MDGA2: variants seen among roughly 807,000 people sequenced by gnomAD.
MDGA2 encodes the protein MAM domain-containing glycosylphosphatidylinositol anchor protein 2.
A neutral mutation model predicts 117.8 loss-of-function variants in MDGA2; 40 were observed. The ratio of observed to expected loss-of-function variants is 0.34; its 90% confidence interval spans 0.26 to 0.44. MDGA2 has a LOEUF of 0.44. Ranked by LOEUF, MDGA2 falls within the 20% of genes least tolerant of loss-of-function variation. The pLI is 1.00. For synonymous variants in MDGA2, 452 were observed against 439.0 expected (o/e 1.03, Z -0.37); for missense variants, 1,123 against 1,250.6 (o/e 0.90, Z 1.54).
chr14:47,487,724 A>G (rs1894089583), intron 1 of MDGA2, among the ~76,000 whole-genome samples: 1 of 152,192 alleles, frequency 6.6e-6, no homozygotes, highest in African/African-American at 2.4e-5. Flanking sequence ...AAGCAGTAGC[A>G]TACATAGATA....
At chr14:47,255,372 C>G (rs970142442) in intron 2 of MDGA2, among the ~76,000 whole-genome samples, 1 of 152,094 alleles carries the variant, frequency 6.6e-6, no homozygotes, top group Non-Finnish European at 1.5e-5. Flanking sequence ...GACTGTGTGC[C>G]TTACAGGTAG....
chr14:46,901,037 C>T (rs1883264071), intron 10 of MDGA2, among the ~76,000 whole-genome samples: 1 of 151,882 alleles, frequency 6.6e-6, no homozygotes, highest in Non-Finnish European at 1.5e-5. Context: ...AAAAACACTG[C>T]TTATTGAAAA....
At chr14:46,875,612 A>G (rs1260269894) in intron 12 of MDGA2, among the ~76,000 whole-genome samples, 2 of 151,702 alleles carry the variant, frequency 1.3e-5, no homozygotes, top group African/African-American at 4.8e-5. Context: ...TATCAGTTGG[A>G]AAAATAATGT....
At chr14:46,941,616 C>G (rs566871870) in intron 9 of MDGA2, among the ~76,000 whole-genome samples, 1 of 152,122 alleles carries the variant, frequency 6.6e-6, no homozygotes, top group Non-Finnish European at 1.5e-5. Flanking sequence ...GATTCCTTCA[C>G]AGATTGGTTT....
At chr14:46,859,789 T>C (rs1259738573) in intron 14 of MDGA2, among the ~76,000 whole-genome samples, 1 of 152,124 alleles carries the variant, frequency 6.6e-6, no homozygotes, top group Non-Finnish European at 1.5e-5. Context: ...ATGATATAAA[T>C]TAGTAATATG....
intron 14 of MDGA2, chr14:46,871,358 A>G (rs1881989615): frequency 1.3e-5 from 2 of 152,040 alleles, no homozygotes; most frequent in South Asian, 4.1e-4. Context: ...GTTCCTGCAC[A>G]GTAATAAAAC....
chr14:47,379,573 T>C (rs1284627746), intron 1 of MDGA2, among the ~76,000 whole-genome samples: 1 of 152,120 alleles, frequency 6.6e-6, no homozygotes, highest in Non-Finnish European at 1.5e-5. Context: ...GTTACAATCC[T>C]AGTCTCGGAT....
chr14:47,282,884 G>A (rs1266101756), intron 2 of MDGA2, among the ~76,000 whole-genome samples: 3 of 152,038 alleles, frequency 2.0e-5, no homozygotes, highest in African/African-American at 7.2e-5. Flanking sequence ...AGGAGTTGAG[G>A]CTGCAATGAG....
intron 5 of MDGA2, among the ~76,000 whole-genome samples, chr14:47,107,327 A>ATG (rs1880760787): frequency 1.3e-5 from 2 of 152,070 alleles, no homozygotes; most frequent in African/African-American, 2.4e-5. Context: ...CAGGATCTGC[A>ATG]CCTTATCAAC....
At position 47,220,477 on chromosome 14, in the gene MDGA2, G is replaced by A. The variant is rs552473766; in HGVS notation, c.421-2282C>T. 2.0e-5 allele frequency among the ~76,000 whole-genome samples: 3 copies of A among 152,176 alleles called. No homozygotes were observed. In the South Asian group the frequency reaches 6.2e-4, roughly 32 times the overall value. On this transcript the variant is annotated intron_variant, in intron 2 of 16. Transcript: ENST00000399232. Reference sequence around the variant, plus strand: ...GTTTCAAGCAGAAATGTCCTTACAGGGAAGCAGCACTTCATGTTTTGCACA... The same window carrying A: ...GTTTCAAGCAGAAATGTCCTTACAGAGAAGCAGCACTTCATGTTTTGCACA...
chr14:47,457,397 C>G (rs1893377874), intron 1 of MDGA2, among the ~76,000 whole-genome samples: 1 of 152,134 alleles, frequency 6.6e-6, no homozygotes, highest in South Asian at 2.1e-4. Context: ...TACACTAGTA[C>G]AAACTCATTA....
At chr14:47,387,041 T>TGATCA (rs1566764593) in intron 1 of MDGA2, among the ~76,000 whole-genome samples, 2 of 152,126 alleles carry the variant, frequency 1.3e-5, no homozygotes, top group African/African-American at 4.8e-5. Context: ...AAAGCAAATA[T>TGATCA]GATCAGACTG....
At chr14:47,180,754 C>G (rs1482615866) in intron 3 of MDGA2, among the ~76,000 whole-genome samples, 1 of 152,062 alleles carries the variant, frequency 6.6e-6, no homozygotes, top group Non-Finnish European at 1.5e-5. Context: ...AACCCCGTCT[C>G]TACTAAAAAT....
At chr14:47,465,346 C>T (rs1360654559) in intron 1 of MDGA2, among the ~76,000 whole-genome samples, 1 of 152,102 alleles carries the variant, frequency 6.6e-6, no homozygotes, top group Non-Finnish European at 1.5e-5. Flanking sequence ...TCTAATTGAA[C>T]TCAAGAGCTT....
chr14:47,283,697 T>C (rs1254621275), intron 2 of MDGA2, among the ~76,000 whole-genome samples: 4 of 152,238 alleles, frequency 2.6e-5, no homozygotes, highest in Non-Finnish European at 5.9e-5. Context: ...TATACTTTTG[T>C]TTTTGCTTTG....
intron 1 of MDGA2, among the ~76,000 whole-genome samples, chr14:47,321,278 A>G (rs1254990641): frequency 6.6e-6 from 1 of 152,202 alleles, no homozygotes; most frequent in Non-Finnish European, 1.5e-5. Flanking sequence ...CTGGATTAAG[A>G]AAAGAGCTTG....
chr14:47,403,137 T>G (rs1293800073), intron 1 of MDGA2, among the ~76,000 whole-genome samples: 2 of 152,186 alleles, frequency 1.3e-5, no homozygotes, highest in Admixed American at 6.5e-5. Flanking sequence ...CCACTTTCCA[T>G]TTCCAACAGC....
chr14:47,584,004 C>T (rs561385986), intron 1 of MDGA2, among the ~76,000 whole-genome samples: 125 of 151,890 alleles, frequency 8.2e-4, no homozygotes, highest in African/African-American at 2.8e-3. Flanking sequence ...TGCATTTTCA[C>T]GGTCACAAAG....
At chr14:47,668,425 C>T (rs1166630453) in intron 1 of MDGA2, among the ~76,000 whole-genome samples, 1 of 152,170 alleles carries the variant, frequency 6.6e-6, no homozygotes, top group Non-Finnish European at 1.5e-5. Context: ...TGCAGGACCT[C>T]CATCTGCCTG....
Sources: allele counts gnomAD v4.1 joint callset (sites outside exome capture counted in the v4.1 genomes callset), GRCh38; gene constraint gnomAD v4.1.1; transcripts MANE v1.5; gene names NCBI Gene and HGNC (gene_info 2026-07-23, HGNC 2026-07-21).